The following CACNA1C variants were observed in gnomAD, a reference collection of about 807,000 sequenced individuals.
The protein encoded by CACNA1C is calcium voltage-gated channel subunit alpha1 C, also known as voltage-dependent L-type calcium channel subunit alpha-1C.
In CACNA1C, 30 loss-of-function variants were observed where a neutral mutation model predicts 229.0. That is an observed-to-expected ratio of 0.13 (90% CI 0.10 to 0.18). The LOEUF (loss-of-function observed/expected upper bound fraction) is 0.18, where lower values mean the gene tolerates loss of function less well. CACNA1C is among the 10% of genes least tolerant of loss of function. The pLI is 1.00. For missense variants in CACNA1C, 1,658 were observed against 2,845.0 expected, an observed-to-expected ratio of 0.58 and a Z score of 9.49; for synonymous variants, 1,114 against 1,132.5, an observed-to-expected ratio of 0.98 and a Z score of 0.33.
intron 3 of CACNA1C, among the ~76,000 whole-genome samples, chr12:2,138,466 G>T (rs987945676): frequency 6.6e-6 from 1 of 151,184 alleles, no homozygotes; most frequent in African/African-American, 2.4e-5. Context: ...AACCCTGGCA[G>T]TTGGGCACGG....
chr12:2,516,215 G>A (rs1042577085), intron 9 of CACNA1C, among the ~76,000 whole-genome samples: 10 of 152,298 alleles, frequency 6.6e-5, no homozygotes, highest in African/African-American at 1.9e-4. Context: ...CTAGCGAGAA[G>A]GGGCCAATGA....
intron 5 of CACNA1C, among the ~76,000 whole-genome samples, chr12:2,472,468 G>T (rs1039039729): frequency 1.3e-5 from 2 of 151,628 alleles, no homozygotes; most frequent in Non-Finnish European, 2.9e-5. Flanking sequence ...CCTTTTTATA[G>T]TTCCCATTTA....
intron 45 of CACNA1C, among the ~76,000 whole-genome samples, chr12:2,687,579 G>A (rs1448415017): frequency 3.7e-4 from 53 of 142,706 alleles, no homozygotes; most frequent in African/African-American, 1.4e-3. Flanking sequence ...TGCTCTTGTT[G>A]CCCAGGCTGG....
intron 3 of CACNA1C, among the ~76,000 whole-genome samples, chr12:2,432,496 T>A (rs1223988421): frequency 6.6e-6 from 1 of 152,154 alleles, no homozygotes; most frequent in Non-Finnish European, 1.5e-5. Flanking sequence ...CAGCTTCTTT[T>A]TCTCTGGGAG....
intron 3 of CACNA1C, among the ~76,000 whole-genome samples, chr12:2,270,968 C>CGAG (rs1437361223): frequency 4.6e-5 from 7 of 152,114 alleles, no homozygotes. Context: ...CTCCCTTTGC[C>CGAG]GAGGGCTGGT....
Position 2,215,846 on chromosome 12 carries a change from C to T in CACNA1C, c.477+95416C>T, listed in dbSNP as rs1042135363. Among the ~76,000 whole-genome samples, 8 of 152,326 alleles carry T rather than the reference C, an allele frequency of 5.3e-5. No individual in the cohort carries two copies. Among genetic ancestry groups the T allele is most frequent in the Non-Finnish European group, 1.2e-4 (8 of 68,030 alleles). Reference sequence around the variant, plus strand: ...TGCCTGCCTGGGGAGCAGCTGATGGCGAATCTGTGTCCTAGAACACGCCCT... The same window carrying T: ...TGCCTGCCTGGGGAGCAGCTGATGGTGAATCTGTGTCCTAGAACACGCCCT... On this transcript the variant is annotated intron_variant, in intron 3 of 46. Transcript: ENST00000399655. The surrounding 1 kb of genome is among the most constrained non-coding windows in gnomAD (Gnocchi z 5.0).
intron 3 of CACNA1C, among the ~76,000 whole-genome samples, chr12:2,444,237 G>A (rs1436589486): frequency 6.6e-6 from 1 of 152,136 alleles, no homozygotes; most frequent in African/African-American, 2.4e-5. Flanking sequence ...CAGAAAGTCT[G>A]GTTTCCTGTC....
At chr12:2,342,339 C>G (rs1037316962) in intron 3 of CACNA1C, among the ~76,000 whole-genome samples, 1 of 152,152 alleles carries the variant, frequency 6.6e-6, no homozygotes, top group African/African-American at 2.4e-5. Flanking sequence ...GGGAGTTAAT[C>G]CAGCCACTTG....
At chr12:2,389,899 C>T (rs1166449215) in intron 3 of CACNA1C, among the ~76,000 whole-genome samples, 1 of 152,156 alleles carries the variant, frequency 6.6e-6, no homozygotes, top group African/African-American at 2.4e-5. Flanking sequence ...CCCGTATTTC[C>T]CTCCTCTCTT....
chr12:2,228,266 G>C (rs149445708), intron 3 of CACNA1C, among the ~76,000 whole-genome samples: 19 of 152,286 alleles, frequency 1.2e-4, no homozygotes, highest in African/African-American at 3.1e-4. Flanking sequence ...TGCATACTGT[G>C]TATTAGGCCC....
intron 5 of CACNA1C, among the ~76,000 whole-genome samples, chr12:2,484,817 T>C (rs1015193241): frequency 8.6e-5 from 13 of 151,388 alleles, no homozygotes; most frequent in African/African-American, 2.7e-4. Flanking sequence ...ATTAATGGAA[T>C]CATTTCAATC....
chr12:2,004,525 G>A (rs556351898), intron 1 of CACNA1C: 226 of 1,501,216 alleles, frequency 1.5e-4, no homozygotes, highest in Admixed American at 6.9e-4. Flanking sequence ...GAGAACCCAC[G>A]GCGACCACAC....
In CACNA1C at chr12:2,152,812, C is replaced by T. The variant is rs931850839; in HGVS notation, c.477+32382C>T. Among the ~76,000 whole-genome samples, 5 of 152,290 alleles carry T rather than the reference C, an allele frequency of 3.3e-5. No homozygotes were observed. Among genetic ancestry groups the T allele is most frequent in the East Asian group, 1.9e-4 (1 of 5,182 alleles). On this transcript the variant is annotated intron_variant, in intron 3 of 46. Transcript: ENST00000399655. This position sits in a 1 kb window ranked among gnomAD's most constrained non-coding sequence, Gnocchi z 4.2. The stretch of plus-strand genomic sequence containing the variant: ...GCCTTGTTTCTCCTCCTCCTCTTTC[C>T]GTTTCCCATGTCACCCACAGGACTG...
chr12:2,639,172 A>G lies in CACNA1C; in HGVS notation c.3912+4792A>G, dbSNP rs216024. 0.038 allele frequency among the ~76,000 whole-genome samples: 5,790 copies of G among 152,276 alleles called. 363 individuals are homozygous for G. Among genetic ancestry groups the G allele is most frequent in the African/African-American group, 0.13 (5,463 of 41,546 alleles). ...ATGGGCCCCGGCCCTTCTCCTGCCA[A>G]TGCATCACCTGGGTCTAAATCCGAG... On this transcript the variant is annotated intron_variant, in intron 30 of 46. Transcript: ENST00000399655. The surrounding 1 kb of genome is among the most constrained non-coding windows in gnomAD (Gnocchi z 4.2).
intron 1 of CACNA1C, among the ~76,000 whole-genome samples, chr12:2,093,844 C>T (rs2072573920): frequency 1.3e-5 from 2 of 152,238 alleles, no homozygotes; most frequent in Admixed American, 1.3e-4. Flanking sequence ...CCTGCAGTTG[C>T]AGGCTGCCAG....
intron 3 of CACNA1C, among the ~76,000 whole-genome samples, chr12:2,257,823 A>G (rs1424328591): frequency 6.6e-6 from 1 of 152,264 alleles, no homozygotes; most frequent in African/African-American, 2.4e-5. Context: ...GACAGCCTTG[A>G]AATGGTATAT....
At chr12:2,190,565 A>T (rs999964286) in intron 3 of CACNA1C, among the ~76,000 whole-genome samples, 2 of 152,176 alleles carry the variant, frequency 1.3e-5, no homozygotes, top group Admixed American at 1.3e-4. Context: ...CTAGGTGCAA[A>T]GGACGTAGAA....
At chr12:2,119,393 G>C in intron 2 of CACNA1C, among the ~76,000 whole-genome samples, 1 of 152,196 alleles carries the variant, frequency 6.6e-6, no homozygotes, top group Non-Finnish European at 1.5e-5. Context: ...AGCATAGACG[G>C]GCCCTTCCTG....
intron 10 of CACNA1C, among the ~76,000 whole-genome samples, chr12:2,552,705 G>A (rs1467444520): frequency 6.6e-6 from 1 of 152,206 alleles, no homozygotes; most frequent in South Asian, 2.1e-4. Flanking sequence ...GCTGTGTTGT[G>A]TGTGTGTTCT....
Sources: gnomAD v4.1 joint callset for allele counts (sites outside exome capture counted in the v4.1 genomes callset) on GRCh38, gnomAD v4.1.1 for gene constraint, Gnocchi (gnomAD v3.1) non-coding constraint, MANE v1.5 for transcripts, NCBI Gene and HGNC (gene_info 2026-07-23, HGNC 2026-07-21) for gene names.